Variants in TAS2R1 observed in about 807,000 individuals in gnomAD.
TAS2R1 encodes taste receptor type 2 member 1.
For synonymous variants in TAS2R1, 141 were observed against 134.2 expected, an observed-to-expected ratio of 1.05 and a Z score of -0.35; for missense variants, 370 against 353.4, an observed-to-expected ratio of 1.05 and a Z score of -0.38.
intron 1 of TAS2R1, among the ~76,000 whole-genome samples, chr5:9,670,893 C>A (rs942498782): frequency 6.6e-6 from 1 of 152,064 alleles, no homozygotes; most frequent in Non-Finnish European, 1.5e-5. Context: ...AACTCCTCAA[C>A]AAAATACTAG....
intron 1 of TAS2R1, among the ~76,000 whole-genome samples, chr5:9,687,599 A>T (rs1383043467): frequency 1.3e-5 from 2 of 152,138 alleles, no homozygotes; most frequent in Non-Finnish European, 2.9e-5. Context: ...GAAGAAGAAA[A>T]CAATGTCCTC....
chr5:9,780,943 C>T, the TAS2R1 span, among the ~76,000 whole-genome samples: 1 of 152,204 alleles, frequency 6.6e-6, no homozygotes, highest in Admixed American at 6.5e-5. Context: ...CAACTCCCTC[C>T]TGAGTTTCTA....
chr5:9,637,148 T>C (rs1316734820), intron 2 of TAS2R1, among the ~76,000 whole-genome samples: 1 of 152,212 alleles, frequency 6.6e-6, no homozygotes, highest in African/African-American at 2.4e-5. Context: ...TTAGCATTTA[T>C]TTGTCTGAAA....
chr5:9,868,455 C>T, the TAS2R1 span, among the ~76,000 whole-genome samples: 7 of 152,202 alleles, frequency 4.6e-5, no homozygotes, highest in Non-Finnish European at 1.0e-4. Context: ...TACCTTGGCC[C>T]CTTTTAGCCA....
chr5:9,840,499 C>T, the TAS2R1 span, among the ~76,000 whole-genome samples: 1 of 152,294 alleles, frequency 6.6e-6, no homozygotes, highest in Non-Finnish European at 1.5e-5. Context: ...TAAACTCTAA[C>T]ATGAATTAAG....
At chr5:9,854,632 T>C in the TAS2R1 span, 2 of 152,114 alleles carry the variant, frequency 1.3e-5, no homozygotes, top group Admixed American at 1.3e-4. Flanking sequence ...AAAAGAAAGT[T>C]TGATGGATTG....
At chr5:9,708,684 A>G (rs1370986687) in intron 1 of TAS2R1, among the ~76,000 whole-genome samples, 3 of 151,994 alleles carry the variant, frequency 2.0e-5, no homozygotes, top group Admixed American at 2.0e-4. Context: ...CCAGCATTCA[A>G]TCATTAAATC....
At chr5:9,884,331 G>A in the TAS2R1 span, among the ~76,000 whole-genome samples, 7 of 151,982 alleles carry the variant, frequency 4.6e-5, no homozygotes, top group Non-Finnish European at 8.8e-5. Context: ...AAAATTAGCT[G>A]GGTGTGGTGG....
the TAS2R1 span, among the ~76,000 whole-genome samples, chr5:9,863,694 A>C: frequency 6.6e-6 from 1 of 152,238 alleles, no homozygotes; most frequent in African/African-American, 2.4e-5. Context: ...CTCCAAACCC[A>C]GGGCTTCATA....
chr5:9,660,056 C>CTTTTTTTTTTTTT (rs1171409076), intron 1 of TAS2R1: 26 of 123,116 alleles, frequency 2.1e-4, no homozygotes, highest in African/African-American at 7.8e-4. Context: ...TGAAATATTT[C>CTTTTTTTTTTTTT]TTTTTTTTTT....
chr5:9,845,202 T>C, the TAS2R1 span, among the ~76,000 whole-genome samples: 1 of 152,098 alleles, frequency 6.6e-6, no homozygotes, highest in Non-Finnish European at 1.5e-5. Context: ...AAAGAGATCT[T>C]TCTCTCCCTC....
chr5:9,710,584 G>A lies in TAS2R1; in HGVS notation c.-242+1588C>T, dbSNP rs557853012. On this transcript the variant is annotated intron_variant, in intron 1 of 2. Coordinates refer to the TAS2R1 transcript ENST00000506620. ...AAGGAAACAGTCAACAGAGAAAGAA[G>A]GTAACCTATAGAATGGGAGAAAATA... is the stretch of plus-strand genomic sequence containing the variant. Among the ~76,000 whole-genome samples the A allele has an allele frequency of 2.6e-5, 4 of 152,144 alleles. No homozygotes were observed. The East Asian group carries it at 7.7e-4, about 29-fold the overall frequency.
chr5:9,877,871 C>T, the TAS2R1 span, among the ~76,000 whole-genome samples: 2 of 152,042 alleles, frequency 1.3e-5, no homozygotes, highest in Non-Finnish European at 2.9e-5. Flanking sequence ...CTTTCACAAA[C>T]AGAATATCAA....
chr5:9,652,269 G>A (rs1740321659), intron 2 of TAS2R1, among the ~76,000 whole-genome samples: 1 of 152,172 alleles, frequency 6.6e-6, no homozygotes, highest in African/African-American at 2.4e-5. Flanking sequence ...CATCGTCTGT[G>A]GCAGAGACCT....
chr5:9,647,802 C>T (rs1177003728), intron 2 of TAS2R1, among the ~76,000 whole-genome samples: 2 of 151,970 alleles, frequency 1.3e-5, no homozygotes, highest in Non-Finnish European at 2.9e-5. Context: ...GTCTTGTTAT[C>T]GTTAAGTACA....
intron 1 of TAS2R1, among the ~76,000 whole-genome samples, chr5:9,697,682 A>T (rs1251903192): frequency 6.6e-6 from 1 of 152,204 alleles, no homozygotes; most frequent in Non-Finnish European, 1.5e-5. Flanking sequence ...TTTGCCAAAA[A>T]ATGTTCAAAG....
chr5:9,676,137 G>A (rs1237091588), intron 1 of TAS2R1, among the ~76,000 whole-genome samples: 1 of 151,986 alleles, frequency 6.6e-6, no homozygotes, highest in Non-Finnish European at 1.5e-5. Context: ...TTTTATTAAT[G>A]TGCCATATCA....
At chr5:9,822,664 T>A in the TAS2R1 span, among the ~76,000 whole-genome samples, 1 of 152,184 alleles carries the variant, frequency 6.6e-6, no homozygotes, top group Non-Finnish European at 1.5e-5. Context: ...TATTTATTTC[T>A]GTAAAATATA....
At chr5:9,859,673 C>T in the TAS2R1 span, among the ~76,000 whole-genome samples, 1 of 152,152 alleles carries the variant, frequency 6.6e-6, no homozygotes, top group African/African-American at 2.4e-5. Context: ...CAGATAAAAG[C>T]CGCCCATTAG....
Sources: allele counts gnomAD v4.1 joint callset (sites outside exome capture counted in the v4.1 genomes callset), GRCh38; gene constraint gnomAD v4.1.1; transcripts MANE v1.5; gene names NCBI Gene and HGNC (gene_info 2026-07-23, HGNC 2026-07-21).